The following COL25A1 variants were observed in gnomAD, a reference collection of about 807,000 sequenced individuals.
COL25A1 encodes collagen alpha-1(XXV) chain.
COL25A1 carries 103 observed loss-of-function variants against 128.4 expected under a neutral mutation model. That is an observed-to-expected ratio of 0.80 (90% CI 0.68 to 0.94). The LOEUF (loss-of-function observed/expected upper bound fraction) is 0.94. Among genes scored for constraint, COL25A1 ranks in the 40% least tolerant of loss-of-function variants. The pLI, the probability that COL25A1 is intolerant of heterozygous loss-of-function variation, is 0.00. For synonymous variants in COL25A1, 279 were observed against 277.2 expected (o/e 1.01, Z -0.06); for missense variants, 745 against 840.0 (o/e 0.89, Z 1.40).
intron 6 of COL25A1, among the ~76,000 whole-genome samples, chr4:108,996,433 A>G (rs895336692): frequency 2.0e-5 from 3 of 152,204 alleles, no homozygotes; most frequent in Non-Finnish European, 4.4e-5. Flanking sequence ...TATCCTAAAC[A>G]TATATGCACC....
At chr4:109,208,607 A>G (rs894275675) in intron 3 of COL25A1, among the ~76,000 whole-genome samples, 1 of 152,154 alleles carries the variant, frequency 6.6e-6, no homozygotes, top group Non-Finnish European at 1.5e-5. Flanking sequence ...ATACTGTTTT[A>G]TAAAAAAGAT....
chr4:109,007,809 AG>A (rs11347274), intron 6 of COL25A1, among the ~76,000 whole-genome samples: 77,551 of 151,854 alleles, frequency 0.51, 22,538 homozygotes, highest in African/African-American at 0.78. Flanking sequence ...GGTGTTCTGA[AG>A]TGCCATGATA....
At chr4:108,820,739 T>G (rs1731694533) in intron 35 of COL25A1, among the ~76,000 whole-genome samples, 1 of 151,610 alleles carries the variant, frequency 6.6e-6, no homozygotes, top group Non-Finnish European at 1.5e-5. Context: ...AAAAATCTGT[T>G]CAGGAGAGGA....
chr4:109,130,130 CAT>C (rs1175867271), intron 3 of COL25A1, among the ~76,000 whole-genome samples: 3 of 149,528 alleles, frequency 2.0e-5, no homozygotes, highest in South Asian at 4.3e-4. Flanking sequence ...TACATACATA[CAT>C]ATATATATGT....
intron 3 of COL25A1, among the ~76,000 whole-genome samples, chr4:109,101,823 C>T (rs1765920440): frequency 6.6e-6 from 1 of 152,150 alleles, no homozygotes; most frequent in African/African-American, 2.4e-5. Context: ...CTCTTGGGCC[C>T]CCCTTTCACA....
intron 6 of COL25A1, among the ~76,000 whole-genome samples, chr4:109,009,997 G>A (rs1278222518): frequency 6.6e-6 from 1 of 152,024 alleles, no homozygotes; most frequent in Non-Finnish European, 1.5e-5. Flanking sequence ...GAGTCTGCAG[G>A]GATTCACAAC....
chr4:108,863,310 A>G lies in COL25A1; in HGVS notation c.1152+9T>C. On this transcript the variant is annotated intron_variant, in intron 21 of 37. Coordinates refer to ENST00000399132, the MANE Select transcript of COL25A1 (RefSeq NM_198721.4). ...AGAATGGTTATTTTCCAGTTTAAGA[A>G]TAACTCACCTTTGGTCCGGGGGCTC... The G allele has an allele frequency of 6.2e-7, 1 of 1,613,118 alleles. No individual in the cohort carries two copies. Among genetic ancestry groups the G allele is most frequent in the Non-Finnish European group, 8.5e-7 (1 of 1,179,244 alleles).
chr4:108,977,485 G>A (rs143776750), intron 6 of COL25A1, among the ~76,000 whole-genome samples: 118 of 152,286 alleles, frequency 7.7e-4, no homozygotes, highest in African/African-American at 2.4e-3. Context: ...CATGCAAAAT[G>A]CTTACTAAGG....
chr4:109,206,129 G>A (rs531254302), intron 3 of COL25A1, among the ~76,000 whole-genome samples: 2 of 152,118 alleles, frequency 1.3e-5, no homozygotes, highest in African/African-American at 4.8e-5. Flanking sequence ...AGCAACTTAC[G>A]GCTTTTCTCT....
intron 3 of COL25A1, among the ~76,000 whole-genome samples, chr4:109,238,268 T>G (rs908276730): frequency 1.1e-4 from 16 of 151,988 alleles, no homozygotes; most frequent in African/African-American, 3.9e-4. Flanking sequence ...CCTAATCAAG[T>G]TTTTTACCAA....
chr4:109,019,996 A>C (rs1757577738), intron 5 of COL25A1, among the ~76,000 whole-genome samples: 2 of 152,326 alleles, frequency 1.3e-5, no homozygotes, highest in South Asian at 4.1e-4. Context: ...GGAGGTTTAA[A>C]ATAGGTTATA....
At chr4:109,086,495 T>C (rs1163913472) in intron 3 of COL25A1, among the ~76,000 whole-genome samples, 1 of 152,190 alleles carries the variant, frequency 6.6e-6, no homozygotes, top group Non-Finnish European at 1.5e-5. Flanking sequence ...CTTTGAGATA[T>C]GTTTTGTGAC....
chr4:108,947,268 C>A (rs536930439), intron 8 of COL25A1, among the ~76,000 whole-genome samples: 30 of 151,954 alleles, frequency 2.0e-4, no homozygotes, highest in Non-Finnish European at 1.5e-5. Flanking sequence ...ATGGTGAAAC[C>A]CCGTCCCTAC....
rs1578602829 is a variant in COL25A1, at chr4:108,869,209, T to C, written c.1021-59A>G. 1.2e-5 allele frequency: 9 copies of C among 776,932 alleles called. 1 individual carries two copies. 48.1% of individuals were successfully genotyped at this position (776,932 alleles called of 1,614,324 possible). On this transcript the variant is annotated intron_variant, in intron 19 of 37. Transcript: ENST00000399132. ...ATTTGACAATAAATAAATAAATAAATAAATAAATAAATAAAAACTAAACTC... is the reference window on the plus strand; with the variant it reads ...ATTTGACAATAAATAAATAAATAAACAAATAAATAAATAAAAACTAAACTC...
At chr4:109,153,459 C>A (rs544935054) in intron 3 of COL25A1, among the ~76,000 whole-genome samples, 1 of 151,880 alleles carries the variant, frequency 6.6e-6, no homozygotes, top group South Asian at 2.1e-4. Context: ...AGTAACAGCA[C>A]TTGCACAGCT....
At chr4:108,894,387 G>T (rs973828) in intron 16 of COL25A1, among the ~76,000 whole-genome samples, 81,784 of 151,838 alleles carry the variant, frequency 0.54, 23,370 homozygotes, top group East Asian at 1. Context: ...AACTGCCCTC[G>T]GTGTAGAATA....
chr4:109,245,496 A>C (rs1028080904), intron 3 of COL25A1, among the ~76,000 whole-genome samples: 1 of 152,180 alleles, frequency 6.6e-6, no homozygotes, highest in African/African-American at 2.4e-5. Context: ...AAATGCAGGA[A>C]CATTTCAGAG....
chr4:109,230,226 T>C (rs542736210), intron 3 of COL25A1, among the ~76,000 whole-genome samples: 15 of 152,238 alleles, frequency 9.9e-5, no homozygotes, highest in Admixed American at 9.2e-4. Context: ...TTTTTGCAAG[T>C]AGGTGAATTG....
At chr4:109,083,697 T>C (rs1471693669) in intron 3 of COL25A1, among the ~76,000 whole-genome samples, 5 of 151,810 alleles carry the variant, frequency 3.3e-5, no homozygotes, top group East Asian at 1.9e-4. Flanking sequence ...CTCCTGACCT[T>C]AGGTAATCCG....
Sources: gnomAD v4.1 joint callset for allele counts (sites outside exome capture counted in the v4.1 genomes callset) on GRCh38, gnomAD v4.1.1 for gene constraint, MANE v1.5 for transcripts, NCBI Gene and HGNC (gene_info 2026-07-23, HGNC 2026-07-21) for gene names.